The following RRP9 variants were observed in gnomAD, a reference collection of about 807,000 sequenced individuals.
RRP9 encodes ribosomal RNA processing 9, U3 small nucleolar RNA binding protein.
A neutral mutation model predicts 65.5 loss-of-function variants in RRP9; 35 were observed. The observed-to-expected ratio is 0.53, with a 90% CI of 0.41 to 0.71. The LOEUF is 0.71. RRP9 is among the 30% of genes least tolerant of loss of function. The pLI, the probability that RRP9 is intolerant of heterozygous loss-of-function variation, is 0.00. For missense variants in RRP9, 533 were observed against 633.6 expected, an observed-to-expected ratio of 0.84 and a Z score of 1.70; for synonymous variants, 254 against 245.0, an observed-to-expected ratio of 1.04 and a Z score of -0.34.
rs1434849273 is a variant in RRP9 at position 51,941,770 on chromosome 3, G to A, written c.87+11C>T. The A allele has an allele frequency of 1.3e-6, 2 of 1,552,196 alleles. No homozygotes were observed. Among genetic ancestry groups the A allele is most frequent in the Non-Finnish European group, 1.7e-6 (2 of 1,155,714 alleles). On this transcript the variant is annotated intron_variant, in intron 1 of 14. Transcript: ENST00000232888. ...AGGGCTGACCGCGGCCCTCAGAAGC[G>A]CCATGCTCACCTTTCGCCGCCGCTT... is the stretch of plus-strand genomic sequence containing the variant.
In RRP9 at chr3:51,934,450, G is replaced by A; in HGVS notation, c.1260+22C>T. On this transcript the variant is annotated intron_variant, in intron 13 of 14. Transcript: ENST00000232888. The surrounding 1 kb of genome is among the most constrained non-coding windows in gnomAD (Gnocchi z 4.1). The stretch of plus-strand genomic sequence containing the variant: ...AGGCAGTGTGGCAGAGACAGGCTGA[G>A]CATTCAAGCACACTCACTCACCAGG... 6.2e-7 allele frequency: 1 copy of A among 1,605,148 alleles called. No homozygotes were observed. Among genetic ancestry groups the A allele is most frequent in the Non-Finnish European group, 8.5e-7 (1 of 1,174,634 alleles).
At position 51,934,920 on chromosome 3, in the gene RRP9, ATC is replaced by A. The variant is rs1368330424; in HGVS notation, c.1035-146_1035-145del. On this transcript the variant is annotated intron_variant, in intron 11 of 14. Transcript: ENST00000232888. This position sits in a 1 kb window ranked among gnomAD's most constrained non-coding sequence, Gnocchi z 4.1. ...ACATATTGCATGCCTGTATCAAAAC[ATC>A]TCAAGTACCCCACAAATACGTACAC... 8.4e-6 allele frequency: 8 copies of A among 949,288 alleles called. No individual in the cohort carries two copies. Among genetic ancestry groups the A allele is most frequent in the Non-Finnish European group, 1.2e-5 (8 of 648,496 alleles). The allele number at this position is 949,288 out of a possible 1,614,324, so 58.8% of individuals were successfully genotyped here.
intron 2 of RRP9, 138 bp downstream of exon 2, chr3:51,941,271 C>T: frequency 1.3e-6 from 1 of 788,252 alleles, no homozygotes. Context: ...GGACCAGAAA[C>T]TAAAGGAAAC....
chr3:51,938,395 G>A (rs552920245), intron 2 of RRP9, among the ~76,000 whole-genome samples, 191 bp from the exon 3 acceptor site: 2 of 152,296 alleles, frequency 1.3e-5, no homozygotes, highest in Admixed American at 6.5e-5. Context: ...AGTGCCCCAC[G>A]TAGGGGTGGA....
chr3:51,941,553 GC>G (rs5848937), intron 1 of RRP9, 62 bp from the exon 2 acceptor site: 19,371 of 1,204,636 alleles, frequency 0.016, 5 homozygotes, highest in South Asian at 0.023. Flanking sequence ...TTGACCAAGG[GC>G]CCCCCCCCCT....
rs768563367 is a variant in RRP9 at position 51,937,271 on chromosome 3, C to T, written c.438G>A (p.Gln146=). ...TGACGACCAAACATGTGATAGAGAG[C>T]TGGTGCCCCCGTAAAACGCGAATGT... ...SADIRVLRGH[Q]LSITCLVVTP... Residue 146 remains glutamine, a synonymous_variant, in exon 6 of 15, where the codon CAG becomes CAA. Coordinates refer to ENST00000232888, the MANE Select transcript of RRP9 (RefSeq NM_004704.5). The surrounding 1 kb of genome is among the most constrained non-coding windows in gnomAD (Gnocchi z 5.0). 2 of 1,614,160 alleles carry T rather than the reference C, an allele frequency of 1.2e-6. No individual in the cohort carries two copies. The highest frequency in any genetic ancestry group is 1.7e-6 in the Non-Finnish European group (2 of 1,180,026).
chr3:51,937,997 C>T lies in RRP9; in HGVS notation c.280+98G>A. ...ACAGCCTGGGCACCCACTGGGAATC[C>T]ATGTCAGTCACCCATCAAGTGGCTG... On this transcript the variant is annotated intron_variant, in intron 3 of 14. Transcript: ENST00000232888. The surrounding 1 kb of genome is among the most constrained non-coding windows in gnomAD (Gnocchi z 5.0). The T allele has an allele frequency of 9.0e-7, 1 of 1,108,914 alleles. No homozygotes were observed. The highest frequency in any genetic ancestry group is 1.3e-6 in the Non-Finnish European group (1 of 773,448). 68.7% of individuals were successfully genotyped at this position (1,108,914 alleles called of 1,614,324 possible).
intron 7 of RRP9, 39 bp from the exon 8 acceptor site, chr3:51,936,388 G>T: frequency 6.2e-7 from 1 of 1,614,186 alleles, no homozygotes; most frequent in Non-Finnish European, 8.5e-7. Context: ...CACCCACCAT[G>T]CACCAGACCT....
intron 2 of RRP9, among the ~76,000 whole-genome samples, chr3:51,939,965 G>T (rs1379972220): frequency 1.3e-5 from 2 of 152,220 alleles, no homozygotes; most frequent in African/African-American, 4.8e-5. Context: ...ATTAAGAAAA[G>T]TACATTAATG....
chr3:51,937,697 T>G lies in RRP9; in HGVS notation c.320A>C (p.Gln107Pro), dbSNP rs1699475394. Residue 107 changes from glutamine (Q) to proline (P), a missense_variant, in exon 4 of 15, where the codon CAG becomes CCG. By Grantham distance (76) the Gln-to-Pro change is moderately conservative (BLOSUM62 -1). Transcript: ENST00000232888. The surrounding 1 kb of genome is among the most constrained non-coding windows in gnomAD (Gnocchi z 5.0). ...KAEARAFEED[Q>P]VAGRLKEDVL... Reference sequence around the variant, plus strand: ...ATCCTCCTTCAGGCGCCCCGCCACCTGGTCCTCCTCAAATGCACGGGCCTC... The same window carrying G: ...ATCCTCCTTCAGGCGCCCCGCCACCGGGTCCTCCTCAAATGCACGGGCCTC... The G allele has an allele frequency of 6.2e-7, 1 of 1,614,038 alleles. No homozygotes were observed. Among genetic ancestry groups the G allele is most frequent in the Non-Finnish European group, 8.5e-7 (1 of 1,180,040 alleles).
At chr3:51,936,399 C>T (rs1451936040) in intron 7 of RRP9, 32 bp downstream of exon 7, 1 of 1,614,228 alleles carries the variant, frequency 6.2e-7, no homozygotes, top group South Asian at 1.1e-5. Flanking sequence ...CACCAGACCT[C>T]CCGCCTGCCC....
intron 1 of RRP9, 52 bp from the exon 2 acceptor site, chr3:51,941,543 T>C (rs1469799996): frequency 3.3e-5 from 51 of 1,525,336 alleles, no homozygotes; most frequent in Non-Finnish European, 4.4e-5. Context: ...CACCCTGGCA[T>C]TGACCAAGGG....
rs1699505396 is a variant in RRP9, at chr3:51,940,285, CATG to C, written c.170+1121_170+1123del. 4.6e-5 allele frequency among the ~76,000 whole-genome samples: 7 copies of C among 152,188 alleles called. No individual in the cohort carries two copies. In the South Asian group the frequency reaches 1.5e-3, roughly 32 times the overall value. ...ACAAAAAAAAAAAGTACATTCTTTCCATGAGCAAATTAAGGCAACACATACTCA... is the reference window on the plus strand; with the variant it reads ...ACAAAAAAAAAAAGTACATTCTTTCCAGCAAATTAAGGCAACACATACTCA... On this transcript the variant is annotated intron_variant, in intron 2 of 14. Coordinates refer to ENST00000232888, the MANE Select transcript of RRP9 (RefSeq NM_004704.5).
intron 1 of RRP9, 109 bp from the exon 2 acceptor site, chr3:51,941,600 T>C: frequency 8.3e-7 from 1 of 1,206,498 alleles, no homozygotes; most frequent in South Asian, 1.2e-5. Flanking sequence ...GGGAAGGCGG[T>C]GGTTCCCGGG....
chr3:51,941,842 T>C lies in RRP9; in HGVS notation c.26A>G (p.Lys9Arg), dbSNP rs776761900. The C allele has an allele frequency of 3.2e-6, 5 of 1,583,314 alleles. No individual in the cohort carries two copies. The Admixed American group carries it at 6.8e-5, about 21-fold the overall frequency. The change falls in exon 1 of 15, where the codon AAG becomes AGG. Residue 9 changes from lysine (K) to arginine (R), a missense_variant. Transcript: ENST00000232888. ...GGCCCCAGAGGCCGGCTTTCCCCGCTTACGAGCAGCCGCTGTTGCCGACAT... is the reference window on the plus strand; with the variant it reads ...GGCCCCAGAGGCCGGCTTTCCCCGCCTACGAGCAGCCGCTGTTGCCGACAT... The part of the protein sequence containing the change: MSATAAAR[K>R]RGKPASGAGA...
rs750227082 is a variant in RRP9 at position 51,934,595 on chromosome 3, C to T, written c.1180+36G>A. On this transcript the variant is annotated intron_variant, in intron 12 of 14. Transcript: ENST00000232888. This position sits in a 1 kb window ranked among gnomAD's most constrained non-coding sequence, Gnocchi z 4.1. ...TGAGCAACCCCTGCACCGGCCCACC[C>T]GGCGACCCCTCCTCCCTGCCTCTCA... 5.0e-6 allele frequency: 8 copies of T among 1,613,494 alleles called. No homozygotes were observed. Among genetic ancestry groups the T allele is most frequent in the African/African-American group, 4.0e-5 (3 of 74,918 alleles).
Position 51,941,891 on chromosome 3 carries a change from C to T in RRP9, c.-24G>A. 16 of 1,554,986 alleles carry T rather than the reference C, an allele frequency of 1.0e-5. No homozygotes were observed. Among genetic ancestry groups the T allele is most frequent in the Non-Finnish European group, 1.4e-5 (16 of 1,156,308 alleles). On this transcript the variant is annotated 5_prime_UTR_variant, in exon 1 of 15. Transcript: ENST00000232888. ...ATGCTGCCCACCAGGCGTGTAGCAG[C>T]GGCCGCAGAACTCACGTGGCAGCTG...
In RRP9 at chr3:51,934,662, T is replaced by C. The variant is rs1363683595; in HGVS notation, c.1149A>G (p.Ala383=). The change falls in exon 12 of 15, where the codon GCA becomes GCG. Residue 383 remains alanine, a synonymous_variant. Coordinates refer to ENST00000232888, the MANE Select transcript of RRP9 (RefSeq NM_004704.5). This position sits in a 1 kb window ranked among gnomAD's most constrained non-coding sequence, Gnocchi z 4.1. ...CCACAAGGTCTGTGTTGAGGAGGGCTGCCACCGACGATATCCAGAAGGGCT... is the reference window on the plus strand; with the variant it reads ...CCACAAGGTCTGTGTTGAGGAGGGCCGCCACCGACGATATCCAGAAGGGCT... ...LEQPFWISSV[A]ALLNTDLVAT... The C allele has an allele frequency of 1.9e-6, 3 of 1,613,998 alleles. No homozygotes were observed. In the African/African-American group the frequency reaches 4.0e-5, roughly 22 times the overall value.
rs61729073 is a variant in RRP9, at chr3:51,935,603, G to A, written c.825C>T (p.Tyr275=). ...VKVWNVAENS[Y]VETLFGHQDA... is the part of the protein sequence containing the mutation. Reference sequence around the variant, plus strand: ...CCATCCACACTCACAGCGTCTCCACGTAGGAGTTCTCTGCCACATTCCACA... The same window carrying A: ...CCATCCACACTCACAGCGTCTCCACATAGGAGTTCTCTGCCACATTCCACA... The change falls in exon 9 of 15, where the codon TAC becomes TAT. Residue 275 remains tyrosine, a synonymous_variant. Transcript: ENST00000232888. 264 of 1,614,134 alleles carry A rather than the reference G, an allele frequency of 1.6e-4. No homozygotes were observed. The highest frequency in any genetic ancestry group is 2.1e-4 in the Non-Finnish European group (250 of 1,179,978).
Sources: allele counts gnomAD v4.1 joint callset (sites outside exome capture counted in the v4.1 genomes callset), GRCh38; gene constraint gnomAD v4.1.1; non-coding constraint Gnocchi (gnomAD v3.1); transcripts MANE v1.5; gene names NCBI Gene and HGNC (gene_info 2026-07-23, HGNC 2026-07-21).